The following THRB variants were observed in gnomAD, a reference collection of about 807,000 sequenced individuals.
The protein encoded by THRB is thyroid hormone receptor beta.
In THRB, 12 loss-of-function variants were observed where a neutral mutation model predicts 47.8. The observed-to-expected ratio is 0.25, with a 90% CI of 0.16 to 0.41. The LOEUF (loss-of-function observed/expected upper bound fraction) is 0.41, where lower values mean the gene tolerates loss of function less well. THRB is among the 10% of genes least tolerant of loss of function. The pLI, the probability that THRB is intolerant of heterozygous loss-of-function variation, is 1.00. For synonymous variants in THRB, 218 were observed against 212.2 expected (o/e 1.03, Z -0.24); for missense variants, 348 against 589.2 (o/e 0.59, Z 4.24).
chr3:24,390,834 G>A (rs1260192620), intron 1 of THRB, among the ~76,000 whole-genome samples: 1 of 148,144 alleles, frequency 6.8e-6, no homozygotes, highest in African/African-American at 2.5e-5. Context: ...TTAAATTCTT[G>A]GAATTAAAAA....
chr3:24,440,315 C>T (rs982560575), intron 1 of THRB, among the ~76,000 whole-genome samples: 1 of 152,090 alleles, frequency 6.6e-6, no homozygotes, highest in Non-Finnish European at 1.5e-5. Flanking sequence ...ACTATCTATA[C>T]CCTCATCAAA....
chr3:24,304,100 CT>C (rs2057160312), intron 2 of THRB, among the ~76,000 whole-genome samples: 1 of 151,866 alleles, frequency 6.6e-6, no homozygotes, highest in African/African-American at 2.4e-5. Flanking sequence ...ATTATATTAG[CT>C]TTGGGAAATG....
intron 1 of THRB, among the ~76,000 whole-genome samples, chr3:24,381,711 T>C (rs2065727579): frequency 6.6e-6 from 1 of 152,188 alleles, no homozygotes; most frequent in African/African-American, 2.4e-5. Flanking sequence ...AGAACCCAAA[T>C]TAACCAACTA....
chr3:24,190,442 G>A (rs1222810029), intron 4 of THRB, 108 bp from the exon 5 acceptor site: 18 of 1,346,796 alleles, frequency 1.3e-5, no homozygotes, highest in Non-Finnish European at 1.9e-5. Flanking sequence ...TGGGCTGACA[G>A]TATTCACATG....
chr3:24,470,814 A>G (rs1192484951), intron 1 of THRB, among the ~76,000 whole-genome samples: 2 of 152,120 alleles, frequency 1.3e-5, no homozygotes, highest in African/African-American at 4.8e-5. Flanking sequence ...AGGGGGTTTC[A>G]CCATGTTGGC....
intron 2 of THRB, among the ~76,000 whole-genome samples, chr3:24,302,019 C>T (rs2056977856): frequency 6.6e-6 from 1 of 152,224 alleles, no homozygotes; most frequent in Non-Finnish European, 1.5e-5. Context: ...CTGTATCAGA[C>T]TTCTTCCCTA....
Position 24,196,544 on chromosome 3 carries a change from C to G in THRB, c.23-6210G>C, listed in dbSNP as rs537867473. On this transcript the variant is annotated intron_variant, in intron 4 of 10. Coordinates refer to ENST00000646209, the MANE Select transcript of THRB (RefSeq NM_001354712.2). ...ACATGACCTCTCTTCCCTTGCCTTACTCTCCAAACTCTTCTCCTCTAAACA... is the reference window on the plus strand; with the variant it reads ...ACATGACCTCTCTTCCCTTGCCTTAGTCTCCAAACTCTTCTCCTCTAAACA... 5.9e-4 allele frequency among the ~76,000 whole-genome samples: 90 copies of G among 152,282 alleles called. 1 individual carries two copies. Among genetic ancestry groups the G allele is most frequent in the Admixed American group, 1.3e-3 (20 of 15,302 alleles).
chr3:24,249,564 A>C (rs536891750), intron 3 of THRB, among the ~76,000 whole-genome samples: 4 of 152,184 alleles, frequency 2.6e-5, no homozygotes, highest in Non-Finnish European at 4.4e-5. Context: ...GAACTTAAAC[A>C]ATCAATGGCT....
At chr3:24,190,474 A>C in intron 4 of THRB, 140 bp from the exon 5 acceptor site, 1 of 1,123,134 alleles carries the variant, frequency 8.9e-7, no homozygotes, top group East Asian at 2.4e-5. Context: ...GAGTGATAAG[A>C]TGCAGAATTT....
intron 1 of THRB, among the ~76,000 whole-genome samples, chr3:24,344,172 C>T (rs1284485393): frequency 6.6e-6 from 1 of 151,842 alleles, no homozygotes; most frequent in Non-Finnish European, 1.5e-5. Flanking sequence ...CAGCACATGT[C>T]ATCACAATCA....
intron 3 of THRB, among the ~76,000 whole-genome samples, chr3:24,233,943 C>A (rs2048605392): frequency 6.6e-6 from 1 of 152,192 alleles, no homozygotes; most frequent in Non-Finnish European, 1.5e-5. Flanking sequence ...CAGAAGAACA[C>A]AGTCTCCTTA....
chr3:24,302,322 T>C (rs1446511573), intron 2 of THRB, among the ~76,000 whole-genome samples: 1 of 152,214 alleles, frequency 6.6e-6, no homozygotes, highest in East Asian at 1.9e-4. Context: ...TTAGCCTCTG[T>C]TCTTGTTTTG....
intron 5 of THRB, among the ~76,000 whole-genome samples, chr3:24,169,054 A>G (rs2040065848): frequency 6.6e-6 from 1 of 152,106 alleles, no homozygotes; most frequent in Admixed American, 6.5e-5. Context: ...ATAAAGAAAG[A>G]TAATTGATAA....
intron 1 of THRB, among the ~76,000 whole-genome samples, chr3:24,406,642 C>A (rs544812883): frequency 1.3e-5 from 2 of 151,244 alleles, no homozygotes; most frequent in Non-Finnish European, 3.0e-5. Context: ...GAGATAGTCA[C>A]ATGTTTTTCT....
Position 24,183,705 on chromosome 3 carries a change from A to G in THRB, c.283+6369T>C, listed in dbSNP as rs2042219515. Among the ~76,000 whole-genome samples, 3 of 148,622 alleles carry G rather than the reference A, an allele frequency of 2.0e-5. No homozygotes were observed. The South Asian group carries it at 6.4e-4, about 32-fold the overall frequency. On this transcript the variant is annotated intron_variant, in intron 5 of 10. Transcript: ENST00000646209. The stretch of plus-strand genomic sequence containing the variant: ...TTTTTTTTTTTTTTTTTTAAATTAA[A>G]TCCTTCATTGAAATATCTTTCATCT...
intron 5 of THRB, among the ~76,000 whole-genome samples, chr3:24,157,344 G>C (rs970938888): frequency 2.0e-5 from 3 of 151,950 alleles, no homozygotes; most frequent in Non-Finnish European, 2.9e-5. Context: ...GGTGGGCGGA[G>C]GAGGGGCGAG....
At chr3:24,158,122 A>G (rs1052932373) in intron 5 of THRB, among the ~76,000 whole-genome samples, 4 of 152,210 alleles carry the variant, frequency 2.6e-5, no homozygotes, top group Non-Finnish European at 5.9e-5. Context: ...TTTTAAAACT[A>G]GGAAATTTCA....
At chr3:24,159,302 T>A (rs147542241) in intron 5 of THRB, among the ~76,000 whole-genome samples, 193 of 152,334 alleles carry the variant, frequency 1.3e-3, no homozygotes, top group African/African-American at 4.4e-3. Context: ...TGCAGGTGTA[T>A]CCTGCAGTCA....
chr3:24,428,260 C>A (rs1298980693), intron 1 of THRB, among the ~76,000 whole-genome samples: 1 of 152,028 alleles, frequency 6.6e-6, no homozygotes, highest in Non-Finnish European at 1.5e-5. Context: ...ATGTGCCTGG[C>A]ATTAAGCTAA....
Sources: allele counts gnomAD v4.1 joint callset (sites outside exome capture counted in the v4.1 genomes callset), GRCh38; gene constraint gnomAD v4.1.1; transcripts MANE v1.5; gene names NCBI Gene and HGNC (gene_info 2026-07-23, HGNC 2026-07-21).